Variants in MYO1B observed in about 807,000 individuals in gnomAD.
The protein encoded by MYO1B is myosin IB.
MYO1B carries 72 observed loss-of-function variants against 159.7 expected under a neutral mutation model. The observed-to-expected ratio is 0.45, with a 90% confidence interval of 0.37 to 0.55. MYO1B has a LOEUF of 0.55. Among genes scored for constraint, MYO1B ranks in the 20% least tolerant of loss-of-function variants. The pLI, the probability that MYO1B is intolerant of heterozygous loss-of-function variation, is 0.00. For synonymous variants in MYO1B, 468 were observed against 473.8 expected (o/e 0.99, Z 0.16); for missense variants, 1,062 against 1,364.8 (o/e 0.78, Z 3.50).
chr2:191,420,241 G>T (rs1273677629), intron 30 of MYO1B, among the ~76,000 whole-genome samples: 1 of 152,082 alleles, frequency 6.6e-6, no homozygotes, highest in Admixed American at 6.5e-5. Flanking sequence ...TTTTAAAATT[G>T]TAAAGTTTAT....
At chr2:191,369,774 A>G in intron 12 of MYO1B, 146 bp downstream of exon 12, 5 of 676,200 alleles carry the variant, frequency 7.4e-6, no homozygotes, top group Non-Finnish European at 9.8e-6. Context: ...CATGTATAAG[A>G]TTGAAATTTG....
chr2:191,314,121 C>A (rs1319132718), intron 3 of MYO1B, among the ~76,000 whole-genome samples: 1 of 152,068 alleles, frequency 6.6e-6, no homozygotes, highest in Non-Finnish European at 1.5e-5. Context: ...GAATGAAAGA[C>A]CTCTTAACAT....
intron 18 of MYO1B, among the ~76,000 whole-genome samples, chr2:191,391,172 C>T (rs913532545): frequency 6.6e-5 from 10 of 152,200 alleles, no homozygotes; most frequent in African/African-American, 2.4e-4. Context: ...TTCCTTCTGC[C>T]CTCACCAGAG....
intron 6 of MYO1B, among the ~76,000 whole-genome samples, chr2:191,349,583 T>C (rs1692782946): frequency 6.6e-6 from 1 of 152,252 alleles, no homozygotes; most frequent in African/African-American, 2.4e-5. Flanking sequence ...ATCTATAAAG[T>C]GTAAAATGAA....
chr2:191,385,874 G>A lies in MYO1B; in HGVS notation c.1354-10G>A, dbSNP rs201493626. On this transcript the variant is annotated splice_polypyrimidine_tract_variant and intron_variant, in intron 15 of 30. Transcript: ENST00000392318. Reference sequence around the variant, plus strand: ...GAAGGAAGGAAACTTTTTTATTTCCGTTTTCCCAGAACACAAATGGAATCC... The same window carrying A: ...GAAGGAAGGAAACTTTTTTATTTCCATTTTCCCAGAACACAAATGGAATCC... 6.3e-5 allele frequency: 102 copies of A among 1,611,536 alleles called. No individual in the cohort carries two copies. The highest frequency in any genetic ancestry group is 7.5e-5 in the Non-Finnish European group (89 of 1,178,920).
At chr2:191,414,438 C>CCTT in intron 28 of MYO1B, 79 bp from the exon 29 acceptor site, 1 of 1,351,512 alleles carries the variant, frequency 7.4e-7, no homozygotes, top group Non-Finnish European at 9.9e-7. Flanking sequence ...GGAATTTTTG[C>CCTT]AAATAATGCC....
intron 1 of MYO1B, chr2:191,248,102 C>G: frequency 1.3e-6 from 1 of 789,116 alleles, no homozygotes; most frequent in South Asian, 5.8e-5. Flanking sequence ...TGTCTTCTAC[C>G]TCCCTTCTAC....
intron 13 of MYO1B, among the ~76,000 whole-genome samples, chr2:191,371,525 A>G (rs913949102): frequency 5.3e-5 from 8 of 152,148 alleles, no homozygotes; most frequent in African/African-American, 1.9e-4. Flanking sequence ...CATTTTACAG[A>G]TGAGAAAGTA....
At chr2:191,399,694 G>T (rs1696485859) in intron 21 of MYO1B, among the ~76,000 whole-genome samples, 1 of 152,190 alleles carries the variant, frequency 6.6e-6, no homozygotes, top group South Asian at 2.1e-4. Context: ...ACCTTGCCCA[G>T]GCCCTCGACA....
At chr2:191,401,577 T>A (rs1207249235) in intron 23 of MYO1B, 2 of 152,244 alleles carry the variant, frequency 1.3e-5, no homozygotes, top group Non-Finnish European at 2.9e-5. Flanking sequence ...ATCAAAGTCA[T>A]CTTTGCTAAA....
intron 30 of MYO1B, among the ~76,000 whole-genome samples, chr2:191,417,829 G>A (rs952692234): frequency 2.6e-5 from 4 of 152,180 alleles, no homozygotes; most frequent in African/African-American, 7.2e-5. Flanking sequence ...CGGGGATAGC[G>A]TGTGGCGTGA....
chr2:191,350,186 G>T lies in MYO1B; in HGVS notation c.523G>T (p.Asp175Tyr). The T allele has an allele frequency of 6.2e-7, 1 of 1,612,820 alleles. No individual in the cohort carries two copies. Among genetic ancestry groups the T allele is most frequent in the South Asian group, 1.1e-5 (1 of 90,990 alleles). ...GGGCAAATATATGGATATTGAATTT[G>T]ACTTTAAAGGCGATCCACTAGGAGG... is the stretch of plus-strand genomic sequence containing the variant. ...RFGKYMDIEF[D>Y]FKGDPLGGVI... The change falls in exon 7 of 31, where the codon GAC (aspartate) becomes TAC (tyrosine). Residue 175 changes from aspartate (D) to tyrosine (Y), a missense_variant. By Grantham distance (160) the Asp-to-Tyr change is radical. This residue lies in a region of MYO1B where 415 missense variants were observed against 544.0 expected (regional missense o/e 0.76). Transcript: ENST00000392318.
intron 24 of MYO1B, among the ~76,000 whole-genome samples, chr2:191,405,550 A>G (rs974177126): frequency 5.9e-5 from 9 of 152,246 alleles, no homozygotes; most frequent in African/African-American, 1.9e-4. Context: ...TTCTTAAATC[A>G]TAAGACTGGG....
intron 1 of MYO1B, among the ~76,000 whole-genome samples, chr2:191,267,217 G>A (rs1239366250): frequency 6.6e-6 from 1 of 151,914 alleles, no homozygotes; most frequent in East Asian, 1.9e-4. Context: ...GCTTCCATTT[G>A]CTTTTATCCA....
chr2:191,254,021 A>G (rs1283021063), intron 1 of MYO1B, among the ~76,000 whole-genome samples: 1 of 152,158 alleles, frequency 6.6e-6, no homozygotes, highest in Non-Finnish European at 1.5e-5. Context: ...ATGATTTAGT[A>G]CATTTCTGGT....
intron 2 of MYO1B, among the ~76,000 whole-genome samples, chr2:191,281,374 CTATT>C (rs1411292656): frequency 2.6e-5 from 4 of 151,994 alleles, no homozygotes; most frequent in Admixed American, 2.6e-4. Context: ...GTCAGAGACT[CTATT>C]TGCTTTTTAT....
At chr2:191,248,783 T>C (rs2125647045) in intron 1 of MYO1B, among the ~76,000 whole-genome samples, 1 of 152,344 alleles carries the variant, frequency 6.6e-6, no homozygotes, top group Admixed American at 6.5e-5. Context: ...ACTCTTTAGG[T>C]ATATACTGTA....
chr2:191,419,750 G>A (rs1377558412), intron 30 of MYO1B, among the ~76,000 whole-genome samples: 2 of 151,858 alleles, frequency 1.3e-5, no homozygotes, highest in African/African-American at 4.8e-5. Context: ...AGGCTAATAT[G>A]TTTGTATCTT....
In MYO1B at chr2:191,300,339, ATTT is replaced by A. The variant is rs35917445; in HGVS notation, c.251+4129_251+4131del. 1.2e-3 allele frequency among the ~76,000 whole-genome samples: 163 copies of A among 140,850 alleles called. 1 individual carries two copies. Among genetic ancestry groups the A allele is most frequent in the Middle Eastern group, 3.6e-3 (1 of 276 alleles). The allele number at this position is 140,850 out of a possible 152,430, so 92.4% of individuals were successfully genotyped here. A position where few individuals can be genotyped will look rare whatever the true frequency, so the allele number is the denominator to read the frequency against. The stretch of plus-strand genomic sequence containing the variant: ...TATTACATTTGAAATTTACTTGTCA[ATTT>A]TTTTTTTTTTTTTTTGAGTCGGAGT... On this transcript the variant is annotated intron_variant, in intron 3 of 30. Transcript: ENST00000392318.
Sources: gnomAD v4.1 joint callset for allele counts (sites outside exome capture counted in the v4.1 genomes callset) on GRCh38, gnomAD v4.1.1 for gene constraint, gnomAD v4.1.1 regional missense constraint, MANE v1.5 for transcripts, NCBI Gene and HGNC (gene_info 2026-07-23, HGNC 2026-07-21) for gene names.